STIM2: variants seen among roughly 807,000 people sequenced by gnomAD.
STIM2 encodes the protein stromal interaction molecule 2.
A neutral mutation model predicts 85.8 loss-of-function variants in STIM2; 31 were observed. That is an observed-to-expected ratio of 0.36 (90% confidence interval 0.27 to 0.49). STIM2 has a LOEUF of 0.49. STIM2 is among the 20% of genes least tolerant of loss of function. The pLI, the probability that STIM2 is intolerant of heterozygous loss-of-function variation, is 0.98. For missense variants in STIM2, 841 were observed against 927.6 expected (o/e 0.91, Z 1.21); for synonymous variants, 356 against 331.1 (o/e 1.08, Z -0.82).
intron 2 of STIM2, among the ~76,000 whole-genome samples, chr4:26,947,229 C>T (rs1725866460): frequency 6.6e-6 from 1 of 152,052 alleles, no homozygotes; most frequent in African/African-American, 2.4e-5. Context: ...CTCTGTCTCT[C>T]TTTCTCTGTT....
chr4:26,950,848 T>G (rs1726023454), intron 2 of STIM2, among the ~76,000 whole-genome samples: 1 of 152,044 alleles, frequency 6.6e-6, no homozygotes, highest in Non-Finnish European at 1.5e-5. Flanking sequence ...CCAAGTAACA[T>G]TAGGCTAGAA....
At chr4:26,964,857 G>A (rs1487379360) in intron 3 of STIM2, among the ~76,000 whole-genome samples, 2 of 152,144 alleles carry the variant, frequency 1.3e-5, no homozygotes, top group Non-Finnish European at 2.9e-5. Flanking sequence ...AAAAGGAAAA[G>A]CATGTCCATC....
intron 2 of STIM2, among the ~76,000 whole-genome samples, chr4:26,956,684 AG>A (rs1461313264): frequency 1.3e-5 from 2 of 151,694 alleles, no homozygotes; most frequent in Non-Finnish European, 2.9e-5. Flanking sequence ...AGCTTAAAAA[AG>A]GCAGAAGAAC....
chr4:26,950,803 G>T (rs2109088365), intron 2 of STIM2, among the ~76,000 whole-genome samples: 1 of 152,262 alleles, frequency 6.6e-6, no homozygotes, highest in South Asian at 2.1e-4. Flanking sequence ...ATGCTGTGTT[G>T]TTCTTGGGAG....
chr4:27,002,263 AGTAATTG>A lies in STIM2; in HGVS notation c.675_681del (p.Ile226LeufsTer21). 1 of 1,613,080 alleles carries A rather than the reference AGTAATTG, an allele frequency of 6.2e-7. No homozygotes were observed. Among genetic ancestry groups the A allele is most frequent in the Non-Finnish European group, 8.5e-7 (1 of 1,179,728 alleles). ...AAGATTTTATCCTCACAGTTTCTAT[AGTAATTG>A]GTGTTGGAGGCTGCTGGTTTGCTTA... On this transcript the variant is annotated frameshift_variant, in exon 6 of 12. Coordinates refer to ENST00000467087, the MANE Select transcript of STIM2 (RefSeq NM_020860.4). LOFTEE classifies it high-confidence loss of function.
At chr4:26,955,260 A>G (rs1726204335) in intron 2 of STIM2, among the ~76,000 whole-genome samples, 1 of 147,856 alleles carries the variant, frequency 6.8e-6, no homozygotes, top group Admixed American at 6.6e-5. Flanking sequence ...GTCATGTGGA[A>G]ATTTGCTTAT....
chr4:26,896,870 C>G (rs1308748192), intron 1 of STIM2, among the ~76,000 whole-genome samples: 1 of 152,202 alleles, frequency 6.6e-6, no homozygotes, highest in Non-Finnish European at 1.5e-5. Flanking sequence ...CCTTCATAGT[C>G]AAACCCTATT....
In STIM2 at chr4:26,860,887, G is replaced by A. The variant is rs541430741; in HGVS notation, c.-332G>A. On this transcript the variant is annotated 5_prime_UTR_variant, in exon 1 of 12. Coordinates refer to ENST00000467087, the MANE Select transcript of STIM2 (RefSeq NM_020860.4). ...GCCGCAGCAGCAGCGCGGGTGTCGT[G>A]CACCGCCTGAAGACGCCGTACCTTT... 4.9e-6 allele frequency: 5 copies of A among 1,011,764 alleles called. No homozygotes were observed. Among genetic ancestry groups the A allele is most frequent in the Non-Finnish European group, 6.1e-6 (5 of 823,486 alleles). 62.7% of individuals were successfully genotyped at this position (1,011,764 alleles called of 1,614,324 possible).
chr4:27,017,834 C>T lies in STIM2; in HGVS notation c.1613C>T (p.Pro538Leu), dbSNP rs200847867. 2.8e-5 allele frequency: 45 copies of T among 1,614,026 alleles called. No homozygotes were observed. In the African/African-American group the frequency reaches 2.9e-4, roughly 11 times the overall value. The change falls in exon 11 of 12, where the codon CCG becomes CTG. Residue 538 changes from proline (P) to leucine (L), a missense_variant. Coordinates refer to ENST00000467087, the MANE Select transcript of STIM2 (RefSeq NM_020860.4). ...CAGCTTGCTCCACACGCCCCCCACC[C>T]GTCACACCCTCGGCACCCTCACCAC... is the stretch of plus-strand genomic sequence containing the variant.
chr4:26,935,785 A>C (rs1725370254), intron 2 of STIM2, among the ~76,000 whole-genome samples: 1 of 152,152 alleles, frequency 6.6e-6, no homozygotes, highest in Admixed American at 6.5e-5. Flanking sequence ...TTTTATGATT[A>C]GGTCTTTGAA....
At chr4:26,873,807 A>AC (rs2109030649) in intron 1 of STIM2, 1 of 861,828 alleles carries the variant, frequency 1.2e-6, no homozygotes, top group Admixed American at 1.9e-5. Flanking sequence ...AAGGGGCTCT[A>AC]CAAGGCAGAC....
At chr4:26,904,334 A>G (rs1724043502) in intron 1 of STIM2, among the ~76,000 whole-genome samples, 1 of 152,112 alleles carries the variant, frequency 6.6e-6, no homozygotes. Context: ...GTGTCAATAT[A>G]TGTATATACT....
At chr4:26,948,109 G>C (rs974145206) in intron 2 of STIM2, among the ~76,000 whole-genome samples, 1 of 152,116 alleles carries the variant, frequency 6.6e-6, no homozygotes, top group African/African-American at 2.4e-5. Flanking sequence ...TCTTGTGCTC[G>C]AACACCTGTC....
intron 1 of STIM2, among the ~76,000 whole-genome samples, chr4:26,901,160 G>A (rs890757409): frequency 1.3e-5 from 2 of 152,158 alleles, no homozygotes; most frequent in African/African-American, 4.8e-5. Context: ...TCTCAAGCGT[G>A]CTTGTCCGTG....
Position 27,021,073 on chromosome 4 carries a change from G to A in STIM2, c.1764-1446G>A. 3.3e-6 allele frequency: 5 copies of A among 1,533,818 alleles called. 1 individual carries two copies. The highest frequency in any genetic ancestry group is 1.2e-5 in the South Asian group (1 of 83,924). The stretch of plus-strand genomic sequence containing the variant: ...TAAAGCTCTCAAAAAAAAAAAGTGA[G>A]TAAGATGTGATCCCTGTTCTTTAAT... On this transcript the variant is annotated intron_variant, in intron 11 of 11. Transcript: ENST00000467087.
intron 2 of STIM2, among the ~76,000 whole-genome samples, chr4:26,945,835 C>T (rs1012965842): frequency 2.6e-5 from 4 of 151,636 alleles, no homozygotes; most frequent in Admixed American, 2.0e-4. Flanking sequence ...GGGAACTTTT[C>T]GTACTTTTCA....
intron 10 of STIM2, among the ~76,000 whole-genome samples, chr4:27,011,751 T>C (rs916493336): frequency 1.3e-5 from 2 of 152,192 alleles, no homozygotes; most frequent in African/African-American, 4.8e-5. Context: ...TGTTCAGATT[T>C]CTTCCTGAGT....
chr4:27,001,870 T>C (rs1382794510), intron 5 of STIM2, among the ~76,000 whole-genome samples: 1 of 152,202 alleles, frequency 6.6e-6, no homozygotes, highest in Non-Finnish European at 1.5e-5. Context: ...GTGATACTTT[T>C]GATGACTCCC....
At chr4:26,949,731 C>T (rs767902049) in intron 2 of STIM2, among the ~76,000 whole-genome samples, 3 of 152,104 alleles carry the variant, frequency 2.0e-5, no homozygotes, top group African/African-American at 4.8e-5. Flanking sequence ...AGCAGGTGCT[C>T]ACAGTTTAAT....
Sources: gnomAD v4.1 joint callset for allele counts (sites outside exome capture counted in the v4.1 genomes callset) on GRCh38, gnomAD v4.1.1 for gene constraint, MANE v1.5 for transcripts, NCBI Gene and HGNC (gene_info 2026-07-23, HGNC 2026-07-21) for gene names.